FMN1: variants seen among roughly 807,000 people sequenced by gnomAD.
FMN1 encodes the protein formin-1.
FMN1 carries 110 observed loss-of-function variants against 132.4 expected under a neutral mutation model. The ratio of observed to expected loss-of-function variants is 0.83; its 90% confidence interval spans 0.71 to 0.97. FMN1 has a LOEUF of 0.97. FMN1 is among the 50% of genes least tolerant of loss of function. FMN1 has a pLI of 0.00. For synonymous variants in FMN1, 722 were observed against 651.7 expected (o/e 1.11, Z -1.64); for missense variants, 1,792 against 1,705.3 (o/e 1.05, Z -0.90).
chr15:33,105,376 T>C (rs924414217), intron 4 of FMN1, among the ~76,000 whole-genome samples: 1 of 151,972 alleles, frequency 6.6e-6, no homozygotes, highest in African/African-American at 2.4e-5. Context: ...CTATTAAAAA[T>C]AGGATTGTAG....
At chr15:33,024,543 G>A (rs1353678075) in intron 6 of FMN1, among the ~76,000 whole-genome samples, 1 of 152,082 alleles carries the variant, frequency 6.6e-6, no homozygotes, top group Admixed American at 6.5e-5. Context: ...ACCACGCCTG[G>A]CCCAGATTTA....
chr15:32,927,992 A>G (rs2061004791), intron 9 of FMN1, among the ~76,000 whole-genome samples: 1 of 152,246 alleles, frequency 6.6e-6, no homozygotes, highest in Non-Finnish European at 1.5e-5. Context: ...GCTGGTTGAA[A>G]AGTAAGGGAC....
intron 9 of FMN1, among the ~76,000 whole-genome samples, chr15:32,928,088 C>T (rs2061007235): frequency 6.6e-6 from 1 of 152,168 alleles, no homozygotes; most frequent in South Asian, 2.1e-4. Context: ...CAATTATTGC[C>T]AGATATTTTT....
intron 16 of FMN1, among the ~76,000 whole-genome samples, chr15:32,884,247 C>T (rs1461927092): frequency 1.3e-5 from 2 of 152,180 alleles, no homozygotes; most frequent in African/African-American, 4.8e-5. Context: ...ACTCAAGGTG[C>T]TGACAGGGCT....
chr15:33,039,196 G>C (rs1397347046), intron 6 of FMN1, among the ~76,000 whole-genome samples: 1 of 152,164 alleles, frequency 6.6e-6, no homozygotes, highest in East Asian at 1.9e-4. Flanking sequence ...AAGTGAGATA[G>C]CCAAAGCCTT....
At chr15:33,157,925 AGT>A (rs1964738086) in intron 3 of FMN1, among the ~76,000 whole-genome samples, 1 of 151,292 alleles carries the variant, frequency 6.6e-6, no homozygotes, top group Admixed American at 6.6e-5. Flanking sequence ...TTGAAGCTGC[AGT>A]GGACTGAGAT....
At chr15:32,941,905 G>A (rs368628588) in intron 9 of FMN1, among the ~76,000 whole-genome samples, 1 of 151,970 alleles carries the variant, frequency 6.6e-6, no homozygotes, top group Non-Finnish European at 1.5e-5. Flanking sequence ...CTTTATCTCC[G>A]CCCTATCTAG....
At position 32,907,371 on chromosome 15, in the gene FMN1, G is replaced by A. The variant is rs145642273; in HGVS notation, c.3377+1119C>T. Among the ~76,000 whole-genome samples the A allele has an allele frequency of 4.7e-3, 717 of 152,130 alleles. 6 individuals are homozygous for A. Among genetic ancestry groups the A allele is most frequent in the African/African-American group, 0.016 (678 of 41,496 alleles). On this transcript the variant is annotated intron_variant, in intron 12 of 20. Transcript: ENST00000616417. Reference sequence around the variant, plus strand: ...TCATAAGGAGCGTGCAACCTGGATCGCTCACATGCGCAGTTCACAATAGGG... The same window carrying A: ...TCATAAGGAGCGTGCAACCTGGATCACTCACATGCGCAGTTCACAATAGGG...
chr15:33,103,096 A>G (rs1184893980), intron 4 of FMN1, among the ~76,000 whole-genome samples: 2 of 152,106 alleles, frequency 1.3e-5, no homozygotes, highest in Non-Finnish European at 2.9e-5. Context: ...ATATATAATA[A>G]TATCTGTTGA....
rs1463003825 is a variant in FMN1 at position 32,772,563 on chromosome 15, C to A, written c.*1747G>T. On this transcript the variant is annotated 3_prime_UTR_variant, in exon 21 of 21. Coordinates refer to ENST00000616417, the MANE Select transcript of FMN1 (RefSeq NM_001277313.2). ...CTTCTTGCTCACAAGCAACTTCAAG[C>A]CTTTTTAGTCATGCATGTTCCTTCT... The A allele has an allele frequency of 6.6e-6, 1 of 152,202 alleles. No individual in the cohort carries two copies. The highest frequency in any genetic ancestry group is 1.5e-5 in the Non-Finnish European group (1 of 68,040). 9.4% of individuals were successfully genotyped at this position (152,202 alleles called of 1,614,324 possible). A position where few individuals can be genotyped will look rare whatever the true frequency, so the allele number is the denominator to read the frequency against.
intron 19 of FMN1, among the ~76,000 whole-genome samples, chr15:32,796,122 C>A (rs1452264932): frequency 3.3e-5 from 5 of 152,178 alleles, no homozygotes; most frequent in Non-Finnish European, 7.3e-5. Flanking sequence ...GCATTCATCT[C>A]AATTTTGTAT....
At chr15:32,974,650 C>T (rs1373988835) in intron 7 of FMN1, among the ~76,000 whole-genome samples, 1 of 152,194 alleles carries the variant, frequency 6.6e-6, no homozygotes, top group African/African-American at 2.4e-5. Flanking sequence ...GATGCCTTTG[C>T]ACAGGTGTCT....
chr15:32,989,568 AAAAG>A (rs2033305737), intron 7 of FMN1, among the ~76,000 whole-genome samples: 2 of 152,246 alleles, frequency 1.3e-5, no homozygotes, highest in South Asian at 4.1e-4. Context: ...GCCCCCCACC[AAAAG>A]AAAGAAAGCC....
rs547270364 is a variant in FMN1, at chr15:32,878,286, C to G, written c.3835+9886G>C. ...GTGGTGTGAGAGAAGACTGGAAAGG[C>G]AGAAGTGGTTAAATCAGTTTGTACG... On this transcript the variant is annotated intron_variant, in intron 16 of 20. Coordinates refer to ENST00000616417, the MANE Select transcript of FMN1 (RefSeq NM_001277313.2). 2.0e-5 allele frequency among the ~76,000 whole-genome samples: 3 copies of G among 152,204 alleles called. No individual in the cohort carries two copies. The South Asian group carries it at 6.2e-4, about 32-fold the overall frequency.
At chr15:33,071,006 G>C (rs1013700686) in intron 5 of FMN1, among the ~76,000 whole-genome samples, 2 of 152,106 alleles carry the variant, frequency 1.3e-5, no homozygotes, top group Non-Finnish European at 2.9e-5. Context: ...ACCACTCTTC[G>C]AAAGCCCAGA....
intron 16 of FMN1, among the ~76,000 whole-genome samples, chr15:32,862,361 G>A (rs1748471236): frequency 1.3e-5 from 2 of 152,068 alleles, no homozygotes; most frequent in African/African-American, 4.8e-5. Context: ...ACAATTTTTT[G>A]GCAATTAAAA....
chr15:32,921,193 C>A (rs566780901), intron 10 of FMN1, among the ~76,000 whole-genome samples: 21 of 152,274 alleles, frequency 1.4e-4, no homozygotes, highest in African/African-American at 4.8e-4. Context: ...TAGGAGGTGA[C>A]ATTTAAGCTG....
chr15:33,082,092 AATGTGT>A (rs367839675), intron 5 of FMN1, among the ~76,000 whole-genome samples: 3,294 of 87,938 alleles, frequency 0.037, 134 homozygotes, highest in African/African-American at 0.11. Context: ...GCTGGAAAAC[AATGTGT>A]GTGTGTGTGT....
rs2056179894 is a variant in FMN1 at position 32,770,101 on chromosome 15, C to A, written c.*4209G>T. ...TCTTCCTTTTTGTCATATAAAGCTCCAAATTGATTTTATCTTTGTTGTTTT... is the reference window on the plus strand; with the variant it reads ...TCTTCCTTTTTGTCATATAAAGCTCAAAATTGATTTTATCTTTGTTGTTTT... On this transcript the variant is annotated 3_prime_UTR_variant, in exon 21 of 21. Coordinates refer to ENST00000616417, the MANE Select transcript of FMN1 (RefSeq NM_001277313.2). 6.6e-6 allele frequency: 1 copy of A among 152,110 alleles called. No individual in the cohort carries two copies. Among genetic ancestry groups the A allele is most frequent in the Admixed American group, 6.5e-5 (1 of 15,270 alleles). The allele number at this position is 152,110 out of a possible 1,614,324, so 9.4% of individuals were successfully genotyped here.
Sources: allele counts gnomAD v4.1 joint callset (sites outside exome capture counted in the v4.1 genomes callset), GRCh38; gene constraint gnomAD v4.1.1; transcripts MANE v1.5; gene names NCBI Gene and HGNC (gene_info 2026-07-23, HGNC 2026-07-21).